CACNA1E: variants seen among roughly 807,000 people sequenced by gnomAD.
CACNA1E encodes the protein voltage-dependent R-type calcium channel subunit alpha-1E.
CACNA1E carries 40 observed loss-of-function variants against 259.2 expected under a neutral mutation model. The ratio of observed to expected loss-of-function variants is 0.15; its 90% CI spans 0.12 to 0.20. The LOEUF is 0.20. Ranked by LOEUF, CACNA1E falls within the 10% of genes least tolerant of loss-of-function variation. The probability of loss-of-function intolerance (pLI) is 1.00; values close to 1 mark genes in which losing one functional copy is unlikely to be tolerated. For missense variants in CACNA1E, 1,874 were observed against 3,040.1 expected (o/e 0.62, Z 9.02); for synonymous variants, 1,104 against 1,138.5 (o/e 0.97, Z 0.61).
chr1:181,363,272 C>T (rs1469762523), intron 1 of CACNA1E, among the ~76,000 whole-genome samples: 1 of 152,090 alleles, frequency 6.6e-6, no homozygotes, highest in East Asian at 1.9e-4. Flanking sequence ...AGAAACAAAC[C>T]CGCTTGTGAA....
chr1:181,610,248 A>G (rs991311438), intron 6 of CACNA1E, among the ~76,000 whole-genome samples: 3 of 152,220 alleles, frequency 2.0e-5, no homozygotes, highest in Non-Finnish European at 4.4e-5. Context: ...GTCCCTGCAC[A>G]TAAGTACCAA....
At chr1:181,733,084 G>A in intron 20 of CACNA1E, 50 bp downstream of exon 20, 1 of 1,497,418 alleles carries the variant, frequency 6.7e-7, no homozygotes, top group Non-Finnish European at 8.9e-7. Flanking sequence ...GCTGCTGTTA[G>A]GTGTTCCTCA....
At chr1:181,581,765 C>T (rs548970687) in intron 6 of CACNA1E, among the ~76,000 whole-genome samples, 1 of 152,208 alleles carries the variant, frequency 6.6e-6, no homozygotes, top group East Asian at 1.9e-4. Context: ...AAGGACTGTA[C>T]CCTTACCTGC....
chr1:181,798,664 A>G lies in CACNA1E; in HGVS notation c.6772A>G (p.Thr2258Ala). ...GCTCACTTTCGAAGCAGCCGTGGCTACTAGCCTGGGCCGTTCCAACACCAT... is the reference window on the plus strand; with the variant it reads ...GCTCACTTTCGAAGCAGCCGTGGCTGCTAGCCTGGGCCGTTCCAACACCAT... ...ETLTFEAAVA[T>A]SLGRSNTIGS... Residue 2258 changes from threonine to alanine, a missense_variant, in exon 48 of 48, where the codon ACT (threonine) becomes GCT (alanine). Around this residue, in one of 14 missense-constraint regions of CACNA1E, gnomAD observed 542 missense variants for 587.2 expected, o/e 0.92. Coordinates refer to ENST00000367573, the MANE Select transcript of CACNA1E (RefSeq NM_001205293.3). This position sits in a 1 kb window ranked among gnomAD's most constrained non-coding sequence, Gnocchi z 4.2. The G allele has an allele frequency of 6.2e-7, 1 of 1,610,290 alleles. No individual in the cohort carries two copies. The highest frequency in any genetic ancestry group is 8.5e-7 in the Non-Finnish European group (1 of 1,177,624).
At chr1:181,627,830 C>T (rs1399986744) in intron 6 of CACNA1E, among the ~76,000 whole-genome samples, 2 of 152,104 alleles carry the variant, frequency 1.3e-5, no homozygotes, top group East Asian at 3.8e-4. Flanking sequence ...ATGTCTTTTC[C>T]ACCCACCTCT....
intron 2 of CACNA1E, among the ~76,000 whole-genome samples, chr1:181,424,744 C>T (rs1010682835): frequency 6.6e-6 from 1 of 152,184 alleles, no homozygotes; most frequent in African/African-American, 2.4e-5. Context: ...GATCTGTTGT[C>T]CCAGTTCTTC....
chr1:181,557,948 A>T (rs1648910424), intron 3 of CACNA1E, among the ~76,000 whole-genome samples: 1 of 152,214 alleles, frequency 6.6e-6, no homozygotes, highest in African/African-American at 2.4e-5. Flanking sequence ...CTGCCTCTGC[A>T]GTGTTTTTGA....
rs35884110 is a variant in CACNA1E, at chr1:181,716,296, T to TAA, written c.1315+182_1315+183dup. ...CGAATCTAGATTACAATGATTTATTTAAAAAAAAAAAAAAAAGGACCTGGG... is the reference window on the plus strand; with the variant it reads ...CGAATCTAGATTACAATGATTTATTTAAAAAAAAAAAAAAAAAAGGACCTGGG... On this transcript the variant is annotated intron_variant, in intron 10 of 47. Transcript: ENST00000367573. Among the ~76,000 whole-genome samples the TAA allele has an allele frequency of 3.1e-3, 435 of 141,014 alleles. 1 individual carries two copies. The highest frequency in any genetic ancestry group is 4.1e-3 in the African/African-American group (158 of 38,162). 92.5% of individuals were successfully genotyped at this position (141,014 alleles called of 152,430 possible). A position where few individuals can be genotyped will look rare whatever the true frequency, so the allele number is the denominator to read the frequency against.
intron 6 of CACNA1E, among the ~76,000 whole-genome samples, chr1:181,616,484 G>T (rs928509192): frequency 9.9e-5 from 15 of 152,194 alleles, no homozygotes; most frequent in Admixed American, 7.9e-4. Flanking sequence ...GGAGCCCAAG[G>T]TGGGTGGATC....
chr1:181,448,299 C>T (rs149410676), intron 2 of CACNA1E, among the ~76,000 whole-genome samples: 3 of 152,292 alleles, frequency 2.0e-5, no homozygotes, highest in African/African-American at 2.4e-5. Flanking sequence ...CACATGCATC[C>T]CCTCATTCTA....
chr1:181,345,443 G>C (rs1241327714), intron 1 of CACNA1E, among the ~76,000 whole-genome samples: 1 of 152,196 alleles, frequency 6.6e-6, no homozygotes, highest in South Asian at 2.1e-4. Flanking sequence ...TGCTGAGTTG[G>C]GGGGCCAGGG....
chr1:181,748,687 C>A (rs922128458), intron 25 of CACNA1E, among the ~76,000 whole-genome samples: 2 of 152,164 alleles, frequency 1.3e-5, no homozygotes, highest in Non-Finnish European at 2.9e-5. Context: ...GAAAGGGAAA[C>A]CTTTGTGGTT....
intron 3 of CACNA1E, among the ~76,000 whole-genome samples, chr1:181,547,152 C>T (rs1332115694): frequency 1.3e-5 from 2 of 152,162 alleles, no homozygotes; most frequent in Non-Finnish European, 2.9e-5. Context: ...TCCCATTGCC[C>T]CCTCTGCCCT....
intron 37 of CACNA1E, among the ~76,000 whole-genome samples, chr1:181,775,887 CTT>C (rs1343343625): frequency 2.6e-5 from 4 of 152,340 alleles, no homozygotes; most frequent in South Asian, 4.1e-4. Flanking sequence ...GGTCTACACT[CTT>C]TAGCTCAGTG....
intron 6 of CACNA1E, among the ~76,000 whole-genome samples, chr1:181,621,622 CATAG>C (rs1655725360): frequency 6.6e-6 from 1 of 152,154 alleles, no homozygotes; most frequent in African/African-American, 2.4e-5. Context: ...GAGGACAGAA[CATAG>C]ATAAGCAGAA....
At chr1:181,708,419 G>T (rs1229068468) in intron 7 of CACNA1E, among the ~76,000 whole-genome samples, 2 of 152,130 alleles carry the variant, frequency 1.3e-5, no homozygotes, top group African/African-American at 2.4e-5. Flanking sequence ...TTTAGATTCA[G>T]TTTTCTGAGC....
chr1:181,479,347 G>C (rs1179479945), upstream of CACNA1E, among the ~76,000 whole-genome samples: 2 of 152,292 alleles, frequency 1.3e-5, no homozygotes, highest in Non-Finnish European at 2.9e-5. Context: ...ATGGTGCTCT[G>C]ACAACAGGAA....
At chr1:181,750,845 G>A (rs898733123) in intron 26 of CACNA1E, among the ~76,000 whole-genome samples, 1 of 152,280 alleles carries the variant, frequency 6.6e-6, no homozygotes, top group African/African-American at 2.4e-5. Flanking sequence ...TGACTTGTAG[G>A]TCATGGCCTA....
intron 2 of CACNA1E, among the ~76,000 whole-genome samples, chr1:181,468,580 G>A (rs1662294914): frequency 6.6e-6 from 1 of 152,202 alleles, no homozygotes; most frequent in Admixed American, 6.5e-5. Flanking sequence ...ATGCAAAGAT[G>A]AATGAGCCAA....
Sources: gnomAD v4.1 joint callset for allele counts (sites outside exome capture counted in the v4.1 genomes callset) on GRCh38, gnomAD v4.1.1 for gene constraint, gnomAD v4.1.1 regional missense constraint, Gnocchi (gnomAD v3.1) non-coding constraint, MANE v1.5 for transcripts, NCBI Gene and HGNC (gene_info 2026-07-23, HGNC 2026-07-21) for gene names.